CSMD2: variants seen among roughly 807,000 people sequenced by gnomAD.
The protein encoded by CSMD2 is CUB and Sushi multiple domains 2, also known as CUB and sushi domain-containing protein 2.
CSMD2 carries 130 observed loss-of-function variants against 398.5 expected under a neutral mutation model. The ratio of observed to expected loss-of-function variants is 0.33; its 90% CI spans 0.28 to 0.38. The LOEUF (loss-of-function observed/expected upper bound fraction) is 0.38, where lower values mean the gene tolerates loss of function less well. CSMD2 is among the 10% of genes least tolerant of loss of function. The pLI is 1.00. For synonymous variants in CSMD2, 1,828 were observed against 1,908.5 expected, an observed-to-expected ratio of 0.96 and a Z score of 1.10; for missense variants, 3,829 against 4,764.9, an observed-to-expected ratio of 0.80 and a Z score of 5.78.
At chr1:33,694,952 T>G (rs974617914) in intron 24 of CSMD2, among the ~76,000 whole-genome samples, 2 of 152,100 alleles carry the variant, frequency 1.3e-5, no homozygotes, top group Non-Finnish European at 2.9e-5. Context: ...TACTGTCTAG[T>G]AGAGAAGACA....
intron 3 of CSMD2, among the ~76,000 whole-genome samples, chr1:33,988,112 C>A (rs1646423688): frequency 6.6e-6 from 1 of 152,218 alleles, no homozygotes; most frequent in Non-Finnish European, 1.5e-5. Context: ...ATTTGTTCAT[C>A]TCTGTCTCCC....
At chr1:33,976,881 G>C (rs1645985381) in intron 3 of CSMD2, among the ~76,000 whole-genome samples, 1 of 152,066 alleles carries the variant, frequency 6.6e-6, no homozygotes, top group South Asian at 2.1e-4. Context: ...GACTGGTATT[G>C]GTTCTTTACC....
In CSMD2 at chr1:33,518,974, C is replaced by A. The variant is rs1283782354; in HGVS notation, c.*53+491G>T. ...TGAATGTATATATATACACAATATACCTATATACACAGATATATGTGCATC... is the reference window on the plus strand; with the variant it reads ...TGAATGTATATATATACACAATATAACTATATACACAGATATATGTGCATC... On this transcript the variant is annotated intron_variant, in intron 70 of 70. Coordinates refer to ENST00000373381, the MANE Select transcript of CSMD2 (RefSeq NM_001281956.2). This position sits in a 1 kb window ranked among gnomAD's most constrained non-coding sequence, Gnocchi z 4.3. 6.6e-6 allele frequency among the ~76,000 whole-genome samples: 1 copy of A among 151,884 alleles called. No individual in the cohort carries two copies. The highest frequency in any genetic ancestry group is 2.4e-5 in the African/African-American group (1 of 41,290).
intron 13 of CSMD2, among the ~76,000 whole-genome samples, chr1:33,764,030 T>C (rs16835855): frequency 0.027 from 4,065 of 152,198 alleles, 55 homozygotes; most frequent in African/African-American, 0.032. Flanking sequence ...AGGATATACT[T>C]TGCCGGGATA....
At chr1:33,783,431 T>G in intron 12 of CSMD2, among the ~76,000 whole-genome samples, 1 of 135,250 alleles carries the variant, frequency 7.4e-6, no homozygotes, top group South Asian at 2.6e-4. Flanking sequence ...CATTCTCTCA[T>G]TCTCTCTCTC....
At chr1:34,165,338 A>T, upstream of CSMD2, 1 of 1,194,714 alleles carries the variant, frequency 8.4e-7, no homozygotes, top group South Asian at 3.9e-5. Context: ...GGGGTGAATT[A>T]TCCCCGGATT....
intron 13 of CSMD2, among the ~76,000 whole-genome samples, chr1:33,768,543 T>TGTGTGC (rs1247000081): frequency 6.3e-5 from 5 of 79,690 alleles, no homozygotes; most frequent in African/African-American, 3.0e-4. Flanking sequence ...TGCATGTGTG[T>TGTGTGC]GTGTGTGTGT....
Position 33,635,476 on chromosome 1 carries a change from C to G in CSMD2, c.4970-146G>C. ...CCTAGCTTGGAGAAGGCAAGTCCTG[C>G]GGACCCTGCCCTGCCCAAGAACGTG... On this transcript the variant is annotated intron_variant, in intron 30 of 70. Coordinates refer to ENST00000373381, the MANE Select transcript of CSMD2 (RefSeq NM_001281956.2). The surrounding 1 kb of genome is among the most constrained non-coding windows in gnomAD (Gnocchi z 5.0). The G allele has an allele frequency of 1.7e-6, 1 of 574,346 alleles. No homozygotes were observed. Among genetic ancestry groups the G allele is most frequent in the Non-Finnish European group, 3.1e-6 (1 of 321,062 alleles). The allele number at this position is 574,346 out of a possible 1,614,324, so 35.6% of individuals were successfully genotyped here.
rs1022960972 is a variant in CSMD2, at chr1:34,164,664, C to T, written c.187+247G>A. Among the ~76,000 whole-genome samples, 1 of 152,056 alleles carries T rather than the reference C, an allele frequency of 6.6e-6. No individual in the cohort carries two copies. Among genetic ancestry groups the T allele is most frequent in the Non-Finnish European group, 1.5e-5 (1 of 68,022 alleles). ...CTGTCTCCCAGGCCCCCACACCGGC[C>T]GCATCCGTCCAAGTTGCGGCTGGGG... On this transcript the variant is annotated intron_variant, in intron 1 of 70. Transcript: ENST00000373381. This position sits in a 1 kb window ranked among gnomAD's most constrained non-coding sequence, Gnocchi z 6.2.
At chr1:33,920,725 G>A (rs1240821302) in intron 4 of CSMD2, among the ~76,000 whole-genome samples, 4 of 152,084 alleles carry the variant, frequency 2.6e-5, no homozygotes, top group Non-Finnish European at 5.9e-5. Flanking sequence ...GATGTCATTT[G>A]TGTATTAACA....
chr1:34,078,365 C>T (rs779872061), intron 2 of CSMD2, among the ~76,000 whole-genome samples: 14 of 152,120 alleles, frequency 9.2e-5, no homozygotes, highest in Non-Finnish European at 1.9e-4. Flanking sequence ...CCTTCAGTGT[C>T]TTTCTACCAC....
intron 9 of CSMD2, among the ~76,000 whole-genome samples, chr1:33,812,467 C>T (rs191951666): frequency 1.4e-4 from 22 of 152,332 alleles, no homozygotes; most frequent in Admixed American, 4.6e-4. Context: ...CACTCCATTC[C>T]CCCATGTATA....
chr1:33,972,311 T>C (rs1645801188), intron 3 of CSMD2, among the ~76,000 whole-genome samples: 1 of 152,216 alleles, frequency 6.6e-6, no homozygotes, highest in Non-Finnish European at 1.5e-5. Flanking sequence ...AATTCATTTA[T>C]TTGATGATTA....
intron 29 of CSMD2, 75 bp downstream of exon 29, chr1:33,646,573 A>G: frequency 2.7e-6 from 4 of 1,501,876 alleles, no homozygotes; most frequent in Non-Finnish European, 3.7e-6. Context: ...GGCTCTCCTC[A>G]CTACGCTACA....
chr1:34,059,356 T>C (rs1176901448), intron 2 of CSMD2, among the ~76,000 whole-genome samples: 8 of 152,174 alleles, frequency 5.3e-5, no homozygotes, highest in African/African-American at 1.7e-4. Context: ...TTGCTAGATG[T>C]GCCTCCATCT....
chr1:33,883,998 CA>C (rs1190169284), intron 5 of CSMD2, among the ~76,000 whole-genome samples: 1 of 152,112 alleles, frequency 6.6e-6, no homozygotes, highest in African/African-American at 2.4e-5. Flanking sequence ...CTAGGCCAGG[CA>C]GGAAGCTAGA....
In CSMD2 at chr1:33,762,948, C is replaced by A. The variant is rs951494760; in HGVS notation, c.1846+9621G>T. On this transcript the variant is annotated intron_variant, in intron 13 of 70. Coordinates refer to ENST00000373381, the MANE Select transcript of CSMD2 (RefSeq NM_001281956.2). ...CAAGTTGTAATGTGGGAGTACTGGA[C>A]CATGCATCTCACTCCTTGATGGGAT... 9.2e-5 allele frequency among the ~76,000 whole-genome samples: 14 copies of A among 152,062 alleles called. No individual in the cohort carries two copies. The East Asian group carries it at 2.1e-3, about 23-fold the overall frequency.
At chr1:33,713,304 G>A (rs1267317922) in intron 21 of CSMD2, among the ~76,000 whole-genome samples, 2 of 152,208 alleles carry the variant, frequency 1.3e-5, no homozygotes, top group Non-Finnish European at 2.9e-5. Flanking sequence ...CTTGTCTCGG[G>A]CACAGCTGAC....
intron 1 of CSMD2, among the ~76,000 whole-genome samples, chr1:34,159,447 G>A (rs1641125375): frequency 6.6e-6 from 1 of 152,018 alleles, no homozygotes; most frequent in South Asian, 2.1e-4. Context: ...ACAGCCCAGT[G>A]GGAAGAGCAA....
Sources: gnomAD v4.1 joint callset for allele counts (sites outside exome capture counted in the v4.1 genomes callset) on GRCh38, gnomAD v4.1.1 for gene constraint, Gnocchi (gnomAD v3.1) non-coding constraint, MANE v1.5 for transcripts, NCBI Gene and HGNC (gene_info 2026-07-23, HGNC 2026-07-21) for gene names.